RAB2A: variants seen among roughly 807,000 people sequenced by gnomAD.
RAB2A encodes RAB2A, member RAS oncogene family.
Under a neutral mutation model 32.5 loss-of-function variants are expected in RAB2A, and 7 were observed. The ratio of observed to expected loss-of-function variants is 0.22; its 90% CI spans 0.12 to 0.40. RAB2A has a LOEUF of 0.40. Among genes scored for constraint, RAB2A ranks in the 10% least tolerant of loss-of-function variants. The probability of loss-of-function intolerance (pLI) is 1.00; values close to 1 mark genes in which losing one functional copy is unlikely to be tolerated. For synonymous variants in RAB2A, 79 were observed against 85.2 expected, an observed-to-expected ratio of 0.93 and a Z score of 0.40; for missense variants, 108 against 260.7, an observed-to-expected ratio of 0.41 and a Z score of 4.03.
At chr8:60,545,258 A>G (rs1807710182) in intron 1 of RAB2A, among the ~76,000 whole-genome samples, 1 of 152,162 alleles carries the variant, frequency 6.6e-6, no homozygotes, top group South Asian at 2.1e-4. Context: ...GGGCCCCACG[A>G]AAGACGTGCT....
At chr8:60,614,235 T>G (rs1804409190) in intron 6 of RAB2A, among the ~76,000 whole-genome samples, 1 of 151,408 alleles carries the variant, frequency 6.6e-6, no homozygotes, top group Non-Finnish European at 1.5e-5. Context: ...CCCTGCATTC[T>G]TCTATCGGTT....
At chr8:60,554,080 C>T (rs1247607335) in intron 1 of RAB2A, among the ~76,000 whole-genome samples, 1 of 152,108 alleles carries the variant, frequency 6.6e-6, no homozygotes, top group Non-Finnish European at 1.5e-5. Flanking sequence ...CAAAAAGAAC[C>T]TTGTGTACTG....
chr8:60,530,144 C>CT (rs1270851648), intron 1 of RAB2A, among the ~76,000 whole-genome samples: 3,508 of 104,106 alleles, frequency 0.034, 66 homozygotes, highest in Middle Eastern at 0.051. Flanking sequence ...ATTTTTTTTT[C>CT]TTTTTTTTTT....
intron 1 of RAB2A, 25 bp downstream of exon 1, chr8:60,517,278 C>A: frequency 6.8e-7 from 1 of 1,475,736 alleles, no homozygotes. Flanking sequence ...CGCGGCCGGG[C>A]GGGTGTCGGC....
chr8:60,561,595 G>T (rs1808026708), intron 2 of RAB2A, among the ~76,000 whole-genome samples: 1 of 152,040 alleles, frequency 6.6e-6, no homozygotes, highest in Non-Finnish European at 1.5e-5. Flanking sequence ...CTGTCTCCAT[G>T]TTGGGAAATG....
At chr8:60,537,581 A>G (rs1807577311) in intron 1 of RAB2A, among the ~76,000 whole-genome samples, 1 of 152,242 alleles carries the variant, frequency 6.6e-6, no homozygotes, top group Non-Finnish European at 1.5e-5. Flanking sequence ...TGACCTAACT[A>G]GTTATGGCTT....
At chr8:60,521,319 G>C (rs1807299597) in intron 1 of RAB2A, among the ~76,000 whole-genome samples, 1 of 152,200 alleles carries the variant, frequency 6.6e-6, no homozygotes, top group Non-Finnish European at 1.5e-5. Flanking sequence ...GTATGTAGTT[G>C]AAAGTTTATT....
rs1020339614 is a variant in RAB2A at position 60,533,417 on chromosome 8, A to G, written c.46+16164A>G. 2.6e-5 allele frequency among the ~76,000 whole-genome samples: 4 copies of G among 152,354 alleles called. No homozygotes were observed. The Middle Eastern group carries it at 0.01, about 389-fold the overall frequency. Reference sequence around the variant, plus strand: ...TTGAGTATCTGAACCATTTTAACCTAAAAAAGAAGACTTAAAGGAGAATAT... The same window carrying G: ...TTGAGTATCTGAACCATTTTAACCTGAAAAAGAAGACTTAAAGGAGAATAT... On this transcript the variant is annotated intron_variant, in intron 1 of 7. Transcript: ENST00000262646.
intron 3 of RAB2A, among the ~76,000 whole-genome samples, chr8:60,574,861 G>A (rs1808246646): frequency 6.6e-6 from 1 of 152,092 alleles, no homozygotes; most frequent in African/African-American, 2.4e-5. Context: ...GGAGGGTAGA[G>A]GGCTCGTTTT....
At chr8:60,567,715 T>G (rs957441601) in intron 2 of RAB2A, among the ~76,000 whole-genome samples, 1 of 151,764 alleles carries the variant, frequency 6.6e-6, no homozygotes, top group Non-Finnish European at 1.5e-5. Flanking sequence ...GCCTTATGCT[T>G]TTTTAAGTTT....
At chr8:60,583,525 A>G (rs1164329529) in intron 3 of RAB2A, among the ~76,000 whole-genome samples, 1 of 152,232 alleles carries the variant, frequency 6.6e-6, no homozygotes, top group Non-Finnish European at 1.5e-5. Flanking sequence ...CAAGCATTAT[A>G]TATCAAATAC....
chr8:60,538,918 G>A (rs1807596707), intron 1 of RAB2A, among the ~76,000 whole-genome samples: 1 of 152,164 alleles, frequency 6.6e-6, no homozygotes, highest in Non-Finnish European at 1.5e-5. Context: ...TAAGTTTGGG[G>A]CAGATAATGA....
At chr8:60,525,382 C>T (rs1807363163) in intron 1 of RAB2A, among the ~76,000 whole-genome samples, 1 of 152,114 alleles carries the variant, frequency 6.6e-6, no homozygotes, top group Non-Finnish European at 1.5e-5. Flanking sequence ...TGAGGCCTCC[C>T]CAGCCATGCA....
chr8:60,548,664 G>A (rs535892735), intron 1 of RAB2A, among the ~76,000 whole-genome samples: 23 of 146,630 alleles, frequency 1.6e-4, no homozygotes, highest in African/African-American at 4.8e-4. Context: ...CCTCCCTCCC[G>A]GACGGAGTGG....
At chr8:60,517,431 C>T (rs964480616) in intron 1 of RAB2A, among the ~76,000 whole-genome samples, 178 bp downstream of exon 1, 1 of 152,104 alleles carries the variant, frequency 6.6e-6, no homozygotes, top group Non-Finnish European at 1.5e-5. Flanking sequence ...CGGCCGCGGC[C>T]TGGCCAGGCC....
chr8:60,553,436 G>A (rs1807887191), intron 1 of RAB2A, among the ~76,000 whole-genome samples: 1 of 152,172 alleles, frequency 6.6e-6, no homozygotes, highest in South Asian at 2.1e-4. Context: ...GTAGGGCCTA[G>A]CCAAACTGAT....
intron 2 of RAB2A, among the ~76,000 whole-genome samples, chr8:60,562,611 TTA>T (rs1282004947): frequency 6.6e-6 from 1 of 152,166 alleles, no homozygotes; most frequent in East Asian, 1.9e-4. Context: ...GTCTCAATAT[TTA>T]AGATGTTTCA....
chr8:60,617,758 T>C (rs769599344), intron 6 of RAB2A, among the ~76,000 whole-genome samples: 2 of 152,038 alleles, frequency 1.3e-5, no homozygotes, highest in Admixed American at 6.5e-5. Flanking sequence ...AATAAATAAA[T>C]AAACAATTCA....
At chr8:60,524,426 A>G (rs554067540) in intron 1 of RAB2A, among the ~76,000 whole-genome samples, 37 of 152,256 alleles carry the variant, frequency 2.4e-4, no homozygotes, top group African/African-American at 6.7e-4. Context: ...GTCCTTTGCT[A>G]CAAAAGATGC....
Sources: allele counts gnomAD v4.1 joint callset (sites outside exome capture counted in the v4.1 genomes callset), GRCh38; gene constraint gnomAD v4.1.1; transcripts MANE v1.5; gene names NCBI Gene and HGNC (gene_info 2026-07-23, HGNC 2026-07-21).